Variants in MPC1 observed in about 807,000 individuals in gnomAD.
MPC1 encodes the protein mitochondrial pyruvate carrier 1.
In MPC1, 6 loss-of-function variants were observed where a neutral mutation model predicts 13.9. That is an observed-to-expected ratio of 0.43 (90% confidence interval 0.24 to 0.85). The LOEUF (loss-of-function observed/expected upper bound fraction) is 0.85, where lower values mean the gene tolerates loss of function less well. Ranked by LOEUF, MPC1 falls within the 40% of genes least tolerant of loss-of-function variation. The pLI, the probability that MPC1 is intolerant of heterozygous loss-of-function variation, is 0.24. For missense variants in MPC1, 115 were observed against 143.3 expected (o/e 0.80, Z 1.01); for synonymous variants, 47 against 50.5 (o/e 0.93, Z 0.29).
chr6:166,379,047 T>A (rs1156513435), intron 1 of MPC1, among the ~76,000 whole-genome samples: 1 of 152,194 alleles, frequency 6.6e-6, no homozygotes, highest in Non-Finnish European at 1.5e-5. Context: ...GAGATCCTAT[T>A]TAAGTGTTCC....
At chr6:166,378,418 ATGTGTGTGTG>A (rs3049292) in intron 1 of MPC1, among the ~76,000 whole-genome samples, 1 of 149,866 alleles carries the variant, frequency 6.7e-6, no homozygotes, top group Non-Finnish European at 1.5e-5. Flanking sequence ...ATACAAATAC[ATGTGTGTGTG>A]TGTGTGTGTG....
intron 1 of MPC1, among the ~76,000 whole-genome samples, chr6:166,382,096 G>T (rs1311627048): frequency 6.6e-6 from 1 of 152,254 alleles, no homozygotes; most frequent in Non-Finnish European, 1.5e-5. Context: ...AAACCGGCCA[G>T]GAAACCACTC....
chr6:166,375,076 T>C (rs868585463), intron 1 of MPC1, among the ~76,000 whole-genome samples: 2 of 152,346 alleles, frequency 1.3e-5, no homozygotes. Context: ...ACTAGTCTTG[T>C]ACTTTGGGGC....
rs1162085985 is a variant in MPC1, at chr6:166,365,483, G to A, written c.306-30C>T. On this transcript the variant is annotated intron_variant, in intron 4 of 4. Coordinates refer to ENST00000360961, the MANE Select transcript of MPC1 (RefSeq NM_016098.4). This position sits in a 1 kb window ranked among gnomAD's most constrained non-coding sequence, Gnocchi z 4.2. ...AAAGAAACAAAAAGAAAAATTCAAT[G>A]AGAAACAAAATTTCAATGCCAATCG... 1.3e-6 allele frequency: 2 copies of A among 1,556,996 alleles called. No homozygotes were observed. The highest frequency in any genetic ancestry group is 1.2e-5 in the South Asian group (1 of 83,818).
chr6:166,366,783 C>A lies in MPC1; in HGVS notation c.172+12G>T. On this transcript the variant is annotated intron_variant, in intron 3 of 4. Transcript: ENST00000360961. ...TGAAAGTCCTCCCAATTATCCAAAT[C>A]TGCATTCTTACCAAATGTCATCCGC... 6.2e-7 allele frequency: 1 copy of A among 1,612,824 alleles called. No homozygotes were observed. Among genetic ancestry groups the A allele is most frequent in the Non-Finnish European group, 8.5e-7 (1 of 1,178,846 alleles).
intron 2 of MPC1, chr6:166,368,792 C>A: frequency 1.0e-6 from 1 of 985,394 alleles, no homozygotes. Context: ...TCTATTATTC[C>A]ATAGTGATCT....
chr6:166,371,227 G>A (rs994193828), intron 1 of MPC1, among the ~76,000 whole-genome samples: 17 of 152,194 alleles, frequency 1.1e-4, no homozygotes, highest in African/African-American at 4.1e-4. Flanking sequence ...GTGAACCCCT[G>A]GAGGGATGTA....
intron 2 of MPC1, chr6:166,369,900 T>G: frequency 4.2e-6 from 2 of 471,988 alleles, no homozygotes; most frequent in Non-Finnish European, 3.9e-6. Context: ...ATCCCACCCT[T>G]CTTTTCCTGC....
chr6:166,373,905 A>G lies in MPC1; in HGVS notation c.72-3684T>C, dbSNP rs74600347. Among the ~76,000 whole-genome samples the G allele has an allele frequency of 3.7e-3, 563 of 152,290 alleles. 6 individuals carry two copies. Among genetic ancestry groups the G allele is most frequent in the African/African-American group, 0.012 (506 of 41,564 alleles). ...TCATATGCTTATTTGCCATCTGAACACGGAGAGGTATCTGCTTAAGTCTTC... is the reference window on the plus strand; with the variant it reads ...TCATATGCTTATTTGCCATCTGAACGCGGAGAGGTATCTGCTTAAGTCTTC... On this transcript the variant is annotated intron_variant, in intron 1 of 4. Coordinates refer to ENST00000360961, the MANE Select transcript of MPC1 (RefSeq NM_016098.4).
At chr6:166,370,386 T>G (rs1404682560) in intron 1 of MPC1, 165 bp from the exon 2 acceptor site, 1 of 559,944 alleles carries the variant, frequency 1.8e-6, no homozygotes, top group Non-Finnish European at 3.1e-6. Context: ...TTATTATTTT[T>G]AAAAGATCAA....
intron 1 of MPC1, among the ~76,000 whole-genome samples, chr6:166,374,972 C>T (rs968457219): frequency 6.6e-6 from 1 of 152,262 alleles, no homozygotes; most frequent in Non-Finnish European, 1.5e-5. Context: ...GTGTTGATAT[C>T]CACAGAATAA....
intron 1 of MPC1, among the ~76,000 whole-genome samples, chr6:166,370,967 CTT>C (rs1348063045): frequency 1.3e-5 from 2 of 152,018 alleles, no homozygotes; most frequent in Non-Finnish European, 2.9e-5. Flanking sequence ...TTCATTAGAC[CTT>C]TTACATGCTT....
chr6:166,369,955 C>T, intron 2 of MPC1: 1 of 634,552 alleles, frequency 1.6e-6, no homozygotes, highest in Admixed American at 2.4e-5. Context: ...TTGCTAGGCT[C>T]CACTGTGACT....
rs550546560 is a variant in MPC1 at position 166,372,112 on chromosome 6, G to A, written c.72-1891C>T. Among the ~76,000 whole-genome samples, 15 of 152,284 alleles carry A rather than the reference G, an allele frequency of 9.9e-5. No homozygotes were observed. In the South Asian group the frequency reaches 1.2e-3, roughly 13 times the overall value. ...AGCAGAGAGATTGATAACCTTACCA[G>A]ATGAGACAGCATAATCTAGCTAGAA... On this transcript the variant is annotated intron_variant, in intron 1 of 4. Transcript: ENST00000360961.
intron 2 of MPC1, chr6:166,368,650 G>C: frequency 2.2e-6 from 1 of 460,786 alleles, no homozygotes; most frequent in Non-Finnish European, 2.8e-6. Flanking sequence ...CTTACATTTA[G>C]ATGCAATATG....
chr6:166,370,410 T>C (rs1200425279), intron 1 of MPC1, 189 bp from the exon 2 acceptor site: 1 of 542,826 alleles, frequency 1.8e-6, no homozygotes, highest in East Asian at 3.0e-5. Flanking sequence ...ATATTATTTC[T>C]AATAAGAACT....
chr6:166,367,236 T>C (rs970330852), intron 2 of MPC1: 2 of 1,045,814 alleles, frequency 1.9e-6, no homozygotes, highest in Non-Finnish European at 2.4e-6. Context: ...ACACAATCCA[T>C]TGTTGCTATA....
intron 1 of MPC1, chr6:166,381,692 T>C (rs1779789205): frequency 4.8e-6 from 2 of 412,828 alleles, no homozygotes; most frequent in Non-Finnish European, 3.3e-6. Flanking sequence ...AGAAAGTGTA[T>C]TTTCAGGCTT....
At chr6:166,369,796 G>A (rs921962541) in intron 2 of MPC1, among the ~76,000 whole-genome samples, 4 of 152,142 alleles carry the variant, frequency 2.6e-5, no homozygotes, top group African/African-American at 9.7e-5. Flanking sequence ...ATTCTTAATT[G>A]TGCTGAAAAG....
Sources: gnomAD v4.1 joint callset for allele counts (sites outside exome capture counted in the v4.1 genomes callset) on GRCh38, gnomAD v4.1.1 for gene constraint, Gnocchi (gnomAD v3.1) non-coding constraint, MANE v1.5 for transcripts, NCBI Gene and HGNC (gene_info 2026-07-23, HGNC 2026-07-21) for gene names.